CDK12: variants seen among roughly 807,000 people sequenced by gnomAD.
CDK12 encodes cyclin dependent kinase 12.
Under a neutral mutation model 133.8 loss-of-function variants are expected in CDK12, and 17 were observed. The observed-to-expected ratio is 0.13, with a 90% CI of 0.09 to 0.19. The LOEUF (loss-of-function observed/expected upper bound fraction) is 0.19, where lower values mean the gene tolerates loss of function less well. CDK12 is among the 10% of genes least tolerant of loss of function. The pLI is 1.00. For synonymous variants in CDK12, 694 were observed against 683.6 expected (o/e 1.02, Z -0.24); for missense variants, 1,508 against 1,818.7 (o/e 0.83, Z 3.11).
upstream of CDK12, chr17:39,549,382 G>A (rs1205273888): frequency 1.3e-5 from 2 of 152,280 alleles, no homozygotes; most frequent in Admixed American, 1.3e-4. Flanking sequence ...TTTGCTTGAA[G>A]AAAAGATAAA....
intron 3 of CDK12, among the ~76,000 whole-genome samples, chr17:39,561,815 C>T (rs1209378842): frequency 6.6e-6 from 1 of 152,192 alleles, no homozygotes; most frequent in African/African-American, 2.4e-5. Context: ...ATCACTCCTC[C>T]ATCTTCTTGG....
chr17:39,558,472 T>C (rs1231213739), intron 3 of CDK12, among the ~76,000 whole-genome samples: 2 of 152,212 alleles, frequency 1.3e-5, no homozygotes, highest in African/African-American at 4.8e-5. Context: ...TGCCAGGCAT[T>C]GTACTGAGTG....
At chr17:39,539,043 A>G (rs2055288040), downstream of CDK12, among the ~76,000 whole-genome samples, 1 of 152,202 alleles carries the variant, frequency 6.6e-6, no homozygotes, top group African/African-American at 2.4e-5. Flanking sequence ...AAACTAGAGG[A>G]AGTAAAGAGT....
chr17:39,554,956 T>C (rs1213536653), intron 2 of CDK12, among the ~76,000 whole-genome samples: 1 of 137,406 alleles, frequency 7.3e-6, no homozygotes, highest in Non-Finnish European at 1.5e-5. Flanking sequence ...AGACACATAA[T>C]AGTAAACATC....
upstream of CDK12, among the ~76,000 whole-genome samples, chr17:39,543,147 C>T (rs1434256003): frequency 6.6e-6 from 1 of 152,086 alleles, no homozygotes; most frequent in Non-Finnish European, 1.5e-5. Flanking sequence ...TAGAACTCAG[C>T]AAAAAGAGGT....
chr17:39,502,826 A>G (rs758651240), intron 6 of CDK12, among the ~76,000 whole-genome samples: 5 of 152,196 alleles, frequency 3.3e-5, no homozygotes, highest in Non-Finnish European at 4.4e-5. Flanking sequence ...TGAAAATAAC[A>G]TGTTATGTCT....
At chr17:39,510,008 C>G (rs1598111494) in intron 7 of CDK12, among the ~76,000 whole-genome samples, 1 of 151,602 alleles carries the variant, frequency 6.6e-6, no homozygotes, top group Non-Finnish European at 1.5e-5. Context: ...TGCTATGTTG[C>G]CTAGGTTAGT....
intron 1 of CDK12, among the ~76,000 whole-genome samples, chr17:39,542,314 G>A (rs2055464161): frequency 6.6e-6 from 1 of 151,422 alleles, no homozygotes; most frequent in Non-Finnish European, 1.5e-5. Context: ...AGCCTCCCGA[G>A]TAACTAATGG....
At chr17:39,495,329 C>T (rs994278878) in intron 5 of CDK12, among the ~76,000 whole-genome samples, 3 of 150,686 alleles carry the variant, frequency 2.0e-5, no homozygotes, top group Admixed American at 6.6e-5. Context: ...CCGCCCGCCT[C>T]GGCCCCTCGA....
intron 7 of CDK12, 48 bp from the exon 8 acceptor site, chr17:39,511,481 A>C: frequency 8.4e-7 from 1 of 1,188,850 alleles, no homozygotes; most frequent in Non-Finnish European, 1.2e-6. Context: ...AATATTTTTC[A>C]TCAGAAGCCA....
downstream of CDK12, among the ~76,000 whole-genome samples, chr17:39,538,043 TG>T (rs932756982): frequency 2.0e-5 from 3 of 152,138 alleles, no homozygotes; most frequent in African/African-American, 7.2e-5. Context: ...CCTTTAGGGT[TG>T]GAGGATGGGC....
rs888627131 is a variant in CDK12 at position 39,532,459 on chromosome 17, G to T, written c.*1143G>T. Reference sequence around the variant, plus strand: ...ATATTGTTTACACATATATTTTTATGTCAAAAAAAAAACAAAAACCTTTCA... The same window carrying T: ...ATATTGTTTACACATATATTTTTATTTCAAAAAAAAAACAAAAACCTTTCA... On this transcript the variant is annotated 3_prime_UTR_variant, in exon 14 of 14. Transcript: ENST00000447079. 8.8e-6 allele frequency: 2 copies of T among 226,610 alleles called. No individual in the cohort carries two copies. The highest frequency in any genetic ancestry group is 4.6e-5 in the African/African-American group (2 of 43,182). 14.0% of individuals were successfully genotyped at this position (226,610 alleles called of 1,614,324 possible).
chr17:39,492,275 T>A lies in CDK12; in HGVS notation c.2109-476T>A, dbSNP rs541090224. On this transcript the variant is annotated intron_variant, in intron 3 of 13. Coordinates refer to ENST00000447079, the MANE Select transcript of CDK12 (RefSeq NM_016507.4). ...CCACGCCCGGCTAATTTTTTGTATA[T>A]TTAGTAGAGACGGGGTTTCACCGTG... Among the ~76,000 whole-genome samples the A allele has an allele frequency of 4.0e-5, 6 of 150,024 alleles. No individual in the cohort carries two copies. In the East Asian group the frequency reaches 1.2e-3, roughly 30 times the overall value.
At position 39,524,658 on chromosome 17, in the gene CDK12, C is replaced by T. The variant is rs1836345302; in HGVS notation, c.3096-16C>T. ...CATTCCCTTACATATTTCCCCTTTG[C>T]TTTGTCTTTTTCCAGCCTCCCCCAC... is the stretch of plus-strand genomic sequence containing the variant. On this transcript the variant is annotated splice_polypyrimidine_tract_variant and intron_variant, in intron 11 of 13. Transcript: ENST00000447079. 1.9e-6 allele frequency: 3 copies of T among 1,610,578 alleles called. No individual in the cohort carries two copies. Among genetic ancestry groups the T allele is most frequent in the African/African-American group, 2.7e-5 (2 of 74,968 alleles).
In CDK12 at chr17:39,490,704, A is replaced by G. The variant is rs1387956038; in HGVS notation, c.2079A>G (p.Pro693=). Residue 693 remains proline, a synonymous_variant, in exon 3 of 14, where the codon CCA becomes CCG. Transcript: ENST00000447079. The stretch of plus-strand genomic sequence containing the variant: ...CTCCAGAACCAAAGGCAATCACACC[A>G]CCTCAGCAACCATATAAAAAGAGAC... ...PDSPEPKAIT[P]PQQPYKKRPK... 28 of 1,611,014 alleles carry G rather than the reference A, an allele frequency of 1.7e-5. No individual in the cohort carries two copies. The highest frequency in any genetic ancestry group is 2.2e-5 in the Non-Finnish European group (26 of 1,178,904).
At chr17:39,469,762 C>A (rs2049642538) in intron 1 of CDK12, among the ~76,000 whole-genome samples, 1 of 151,698 alleles carries the variant, frequency 6.6e-6, no homozygotes, top group African/African-American at 2.4e-5. Flanking sequence ...CTCAGCCTCC[C>A]AAGTAGCTGG....
intron 8 of CDK12, among the ~76,000 whole-genome samples, chr17:39,514,491 C>T (rs567448298): frequency 4.6e-5 from 7 of 151,754 alleles, no homozygotes; most frequent in African/African-American, 9.7e-5. Flanking sequence ...ATTTCAGGCA[C>T]GTAACAAAAA....
Position 39,466,615 on chromosome 17 carries a change from GAAAAAAAAAAAAAAAAAAAAAAA to G in CDK12, c.1046+3516_1046+3538del, listed in dbSNP as rs71147339. 2.8e-3 allele frequency among the ~76,000 whole-genome samples: 88 copies of G among 31,474 alleles called. 1 individual carries two copies. Among genetic ancestry groups the G allele is most frequent in the Non-Finnish European group, 3.5e-3 (58 of 16,762 alleles). The allele number at this position is 31,474 out of a possible 152,430, so 20.6% of individuals were successfully genotyped here. On this transcript the variant is annotated intron_variant, in intron 1 of 13. Transcript: ENST00000447079. ...GGGCAACAAGAGTGAAACTCTATCTGAAAAAAAAAAAAAAAAAAAAAAAAAAAAAAAAAAAAAAAAGCAGATGA... is the reference window on the plus strand; with the variant it reads ...GGGCAACAAGAGTGAAACTCTATCTGAAAAAAAAAAAAAAAAAGCAGATGA...
downstream of CDK12, among the ~76,000 whole-genome samples, chr17:39,538,902 T>TAAATA (rs758916352): frequency 6.9e-6 from 1 of 145,306 alleles, no homozygotes; most frequent in East Asian, 2.1e-4. Context: ...CCATCTCAAA[T>TAAATA]AAATACATAC....
Sources: gnomAD v4.1 joint callset for allele counts (sites outside exome capture counted in the v4.1 genomes callset) on GRCh38, gnomAD v4.1.1 for gene constraint, MANE v1.5 for transcripts, NCBI Gene and HGNC (gene_info 2026-07-23, HGNC 2026-07-21) for gene names.